COL23A1: variants seen among roughly 807,000 people sequenced by gnomAD.
COL23A1 encodes collagen alpha-1(XXIII) chain.
Under a neutral mutation model 99.3 loss-of-function variants are expected in COL23A1, and 97 were observed. That is an observed-to-expected ratio of 0.98 (90% CI 0.83 to 1.16). The LOEUF (loss-of-function observed/expected upper bound fraction) is 1.16. COL23A1 is among the 50% of genes most tolerant of loss of function. The pLI, the probability that COL23A1 is intolerant of heterozygous loss-of-function variation, is 0.00. For missense variants in COL23A1, 762 were observed against 757.4 expected (o/e 1.01, Z -0.07); for synonymous variants, 320 against 308.2 (o/e 1.04, Z -0.40).
chr5:178,571,050 A>T (rs1021706948), intron 1 of COL23A1, among the ~76,000 whole-genome samples: 2 of 152,050 alleles, frequency 1.3e-5, no homozygotes, highest in African/African-American at 4.8e-5. Flanking sequence ...AGTAAACCTC[A>T]TAATCCACCA....
chr5:178,262,106 A>G, intron 10 of COL23A1, 111 bp downstream of exon 10: 1 of 1,171,644 alleles, frequency 8.5e-7, no homozygotes. Flanking sequence ...GCGCGCACAC[A>G]CATAAACATG....
chr5:178,345,281 A>C, intron 2 of COL23A1: 2 of 662,304 alleles, frequency 3.0e-6, no homozygotes, highest in Admixed American at 2.2e-5. Context: ...CGGTGCCAGT[A>C]ATCTGCCCCC....
intron 2 of COL23A1, among the ~76,000 whole-genome samples, chr5:178,461,598 G>A (rs542687263): frequency 5.9e-5 from 9 of 152,298 alleles, no homozygotes; most frequent in South Asian, 2.1e-4. Flanking sequence ...TGGAGAGACC[G>A]GAGTAGCCAG....
intron 2 of COL23A1, among the ~76,000 whole-genome samples, chr5:178,347,606 G>A (rs1377527118): frequency 2.0e-5 from 3 of 151,736 alleles, no homozygotes; most frequent in Admixed American, 6.6e-5. Flanking sequence ...AAATAGGGCC[G>A]GGCGTGGTGG....
At chr5:178,445,570 A>G (rs1396016314) in intron 2 of COL23A1, among the ~76,000 whole-genome samples, 1 of 152,238 alleles carries the variant, frequency 6.6e-6, no homozygotes, top group Non-Finnish European at 1.5e-5. Context: ...GTTGACATCT[A>G]AAGTAGCCAA....
chr5:178,432,340 A>G (rs1051816748), intron 2 of COL23A1, among the ~76,000 whole-genome samples: 3 of 152,224 alleles, frequency 2.0e-5, no homozygotes, highest in Non-Finnish European at 2.9e-5. Context: ...AGCCAAACAG[A>G]GGACATTTTA....
At chr5:178,584,316 ACAC>A (rs2113740366) in intron 1 of COL23A1, among the ~76,000 whole-genome samples, 1 of 150,304 alleles carries the variant, frequency 6.7e-6, no homozygotes, top group South Asian at 2.1e-4. Flanking sequence ...GGCCACACAC[ACAC>A]ACACACACAC....
chr5:178,383,323 A>G (rs6859876), intron 2 of COL23A1, among the ~76,000 whole-genome samples: 3,207 of 152,228 alleles, frequency 0.021, 96 homozygotes, highest in African/African-American at 0.065. Context: ...TCTCTACCCC[A>G]CCTGATCAGA....
chr5:178,455,866 T>C (rs1434579894), intron 2 of COL23A1, among the ~76,000 whole-genome samples: 2 of 96,246 alleles, frequency 2.1e-5, no homozygotes, highest in Non-Finnish European at 4.5e-5. Context: ...TTCCAATCAA[T>C]AGACCACCGA....
chr5:178,267,165 G>A lies in COL23A1; in HGVS notation c.522+142C>T. On this transcript the variant is annotated intron_variant, in intron 8 of 28. Transcript: ENST00000390654. ...CAGGTCCCTGGGGGCTTCCACCGGT[G>A]CTATGGGTGGGGAAGAGCCCTCTTG... 3.4e-6 allele frequency: 3 copies of A among 891,594 alleles called. 1 individual carries two copies. In the Admixed American group the frequency reaches 6.0e-5, roughly 18 times the overall value. The allele number at this position is 891,594 out of a possible 1,614,324, so 55.2% of individuals were successfully genotyped here.
At chr5:178,418,529 G>A (rs1765430188) in intron 2 of COL23A1, among the ~76,000 whole-genome samples, 1 of 152,238 alleles carries the variant, frequency 6.6e-6, no homozygotes, top group Admixed American at 6.5e-5. Context: ...CCAGCTGCCT[G>A]GTATCGGCCT....
chr5:178,238,713 G>T lies in COL23A1; in HGVS notation c.1621-13C>A, dbSNP rs763281163. On this transcript the variant is annotated splice_polypyrimidine_tract_variant and intron_variant, in intron 28 of 28. Coordinates refer to ENST00000390654, the MANE Select transcript of COL23A1 (RefSeq NM_173465.4). ...GGCCTGTGGGTCACTGGAAAAGGAG[G>T]AAGAGACTGAAGGTGACGAGGAGCC... is the stretch of plus-strand genomic sequence containing the variant. 2 of 1,612,008 alleles carry T rather than the reference G, an allele frequency of 1.2e-6. No homozygotes were observed. Among genetic ancestry groups the T allele is most frequent in the Non-Finnish European group, 1.7e-6 (2 of 1,179,946 alleles).
intron 2 of COL23A1, among the ~76,000 whole-genome samples, chr5:178,354,902 C>T (rs900201554): frequency 1.3e-5 from 2 of 151,958 alleles, no homozygotes; most frequent in Middle Eastern, 3.4e-3. Context: ...AGTAAAAATA[C>T]AAAAAATTAG....
rs367967132 is a variant in COL23A1, at chr5:178,301,581, T to A, written c.406+5294A>T. On this transcript the variant is annotated intron_variant, in intron 3 of 28. Coordinates refer to ENST00000390654, the MANE Select transcript of COL23A1 (RefSeq NM_173465.4). ...TCCCTCTTCTCCTTTCCAGGATTTGTTGTTGTTGCTGTTTATTGTTGTTGC... is the reference window on the plus strand; with the variant it reads ...TCCCTCTTCTCCTTTCCAGGATTTGATGTTGTTGCTGTTTATTGTTGTTGC... 1.9e-4 allele frequency among the ~76,000 whole-genome samples: 29 copies of A among 152,342 alleles called. No individual in the cohort carries two copies. The East Asian group carries it at 3.9e-3, about 20-fold the overall frequency.
intron 2 of COL23A1, among the ~76,000 whole-genome samples, chr5:178,557,158 A>G (rs962648381): frequency 7.9e-5 from 12 of 152,020 alleles, no homozygotes; most frequent in Non-Finnish European, 1.5e-4. Context: ...CTTGGCTGGC[A>G]CACGCAGCAC....
chr5:178,381,662 G>T (rs1763388538), intron 2 of COL23A1, among the ~76,000 whole-genome samples: 1 of 152,196 alleles, frequency 6.6e-6, no homozygotes, highest in South Asian at 2.1e-4. Flanking sequence ...TTGAGACAGG[G>T]TCTTGCTGTG....
chr5:178,244,460 A>G (rs915663018), intron 25 of COL23A1, among the ~76,000 whole-genome samples: 1 of 152,118 alleles, frequency 6.6e-6, no homozygotes. Flanking sequence ...CTGCATTCCT[A>G]TGGCTAAGTG....
intron 5 of COL23A1, among the ~76,000 whole-genome samples, chr5:178,273,523 G>C (rs141187889): frequency 1.1e-4 from 16 of 152,332 alleles, no homozygotes; most frequent in African/African-American, 3.8e-4. Flanking sequence ...CTTCCCAATA[G>C]AGGCAGAGGG....
At chr5:178,256,766 T>TA in intron 14 of COL23A1, 100 bp downstream of exon 14, 13 of 1,230,698 alleles carry the variant, frequency 1.1e-5, no homozygotes, top group Non-Finnish European at 1.2e-5. Flanking sequence ...TCCTGGGACT[T>TA]AAAAGGGCAA....
Sources: allele counts gnomAD v4.1 joint callset (sites outside exome capture counted in the v4.1 genomes callset), GRCh38; gene constraint gnomAD v4.1.1; transcripts MANE v1.5; gene names NCBI Gene and HGNC (gene_info 2026-07-23, HGNC 2026-07-21).